The following RAP1GDS1 variants were observed in gnomAD, a reference collection of about 807,000 sequenced individuals.
The protein encoded by RAP1GDS1 is Rap1 GTPase-GDP dissociation stimulator 1.
In RAP1GDS1, 35 loss-of-function variants were observed where a neutral mutation model predicts 71.1. That is an observed-to-expected ratio of 0.49 (90% CI 0.38 to 0.65). RAP1GDS1 has a LOEUF of 0.65. Among genes scored for constraint, RAP1GDS1 ranks in the 30% least tolerant of loss-of-function variants. The probability of loss-of-function intolerance (pLI) is 0.00; values close to 1 mark genes in which losing one functional copy is unlikely to be tolerated. For missense variants in RAP1GDS1, 663 were observed against 706.1 expected, an observed-to-expected ratio of 0.94 and a Z score of 0.69; for synonymous variants, 229 against 243.1, an observed-to-expected ratio of 0.94 and a Z score of 0.54.
chr4:98,426,623 G>A (rs1447521868), intron 12 of RAP1GDS1, among the ~76,000 whole-genome samples: 1 of 152,000 alleles, frequency 6.6e-6, no homozygotes, highest in Non-Finnish European at 1.5e-5. Context: ...AGAGGAGATG[G>A]ATAAATTCCT....
intron 3 of RAP1GDS1, among the ~76,000 whole-genome samples, chr4:98,349,325 G>T (rs1022352120): frequency 3.3e-5 from 5 of 152,048 alleles, no homozygotes; most frequent in Non-Finnish European, 5.9e-5. Flanking sequence ...CATTGGTCTA[G>T]CTCTCTGTTT....
chr4:98,313,019 A>T (rs1203480823), intron 2 of RAP1GDS1, among the ~76,000 whole-genome samples: 1 of 137,820 alleles, frequency 7.3e-6, no homozygotes, highest in Non-Finnish European at 1.5e-5. Context: ...CAGTGAGCCG[A>T]GATCACACCA....
chr4:98,289,339 C>G (rs892021562), intron 1 of RAP1GDS1, among the ~76,000 whole-genome samples: 2 of 151,920 alleles, frequency 1.3e-5, no homozygotes, highest in East Asian at 3.9e-4. Context: ...TAGTTGACTT[C>G]GCCAAGTAAG....
At chr4:98,281,272 T>G (rs1006724530) in intron 1 of RAP1GDS1, among the ~76,000 whole-genome samples, 81 of 152,344 alleles carry the variant, frequency 5.3e-4, no homozygotes, top group African/African-American at 1.9e-3. Flanking sequence ...TTTTTTTGTG[T>G]CCTCTTTTAT....
intron 1 of RAP1GDS1, among the ~76,000 whole-genome samples, chr4:98,271,566 G>A (rs934675812): frequency 6.6e-6 from 1 of 152,096 alleles, no homozygotes; most frequent in Non-Finnish European, 1.5e-5. Flanking sequence ...ATAGTAAAAT[G>A]TAAAGTAAGT....
intron 2 of RAP1GDS1, among the ~76,000 whole-genome samples, chr4:98,312,740 T>C (rs146203848): frequency 6.6e-6 from 1 of 151,682 alleles, no homozygotes; most frequent in African/African-American, 2.4e-5. Context: ...GATATATATA[T>C]ATAGAGAGAG....
intron 2 of RAP1GDS1, among the ~76,000 whole-genome samples, chr4:98,342,846 C>T (rs1735684631): frequency 6.6e-6 from 1 of 152,094 alleles, no homozygotes; most frequent in African/African-American, 2.4e-5. Context: ...TTAGAACTAA[C>T]ATTGAGAGTA....
intron 2 of RAP1GDS1, among the ~76,000 whole-genome samples, chr4:98,308,256 A>G (rs1729645091): frequency 6.9e-6 from 1 of 144,370 alleles, no homozygotes. Context: ...ATACATGTAT[A>G]TATACACACA....
At chr4:98,350,980 C>A (rs1482622552) in intron 3 of RAP1GDS1, among the ~76,000 whole-genome samples, 1 of 152,144 alleles carries the variant, frequency 6.6e-6, no homozygotes, top group Non-Finnish European at 1.5e-5. Context: ...CATTACATTC[C>A]AGTCTGGGTG....
chr4:98,348,331 G>A (rs971969638), intron 3 of RAP1GDS1, among the ~76,000 whole-genome samples: 6 of 152,176 alleles, frequency 3.9e-5, no homozygotes, highest in Admixed American at 3.3e-4. Flanking sequence ...ATTCCATGGT[G>A]TATATGTGCC....
chr4:98,337,855 T>G (rs1341882227), intron 2 of RAP1GDS1, among the ~76,000 whole-genome samples: 1 of 152,114 alleles, frequency 6.6e-6, no homozygotes, highest in Non-Finnish European at 1.5e-5. Flanking sequence ...AGGATGTCCA[T>G]GGAGGAGTAT....
At chr4:98,429,963 C>T (rs1162105572) in intron 12 of RAP1GDS1, among the ~76,000 whole-genome samples, 4 of 151,910 alleles carry the variant, frequency 2.6e-5, no homozygotes, top group South Asian at 2.1e-4. Flanking sequence ...GAAGATACAT[C>T]CCAGCTTCTT....
intron 6 of RAP1GDS1, among the ~76,000 whole-genome samples, chr4:98,403,746 C>T (rs1745749714): frequency 6.6e-6 from 1 of 152,112 alleles, no homozygotes; most frequent in Non-Finnish European, 1.5e-5. Context: ...AGAATTTATA[C>T]AGGTCTTGTG....
intron 12 of RAP1GDS1, among the ~76,000 whole-genome samples, chr4:98,429,963 C>A (rs1162105572): frequency 1.3e-5 from 2 of 151,910 alleles, no homozygotes; most frequent in African/African-American, 4.8e-5. Flanking sequence ...GAAGATACAT[C>A]CCAGCTTCTT....
At chr4:98,335,278 A>G (rs990705353) in intron 2 of RAP1GDS1, among the ~76,000 whole-genome samples, 1 of 152,150 alleles carries the variant, frequency 6.6e-6, no homozygotes, top group African/African-American at 2.4e-5. Flanking sequence ...TCAGGCTACA[A>G]GGATCAATAA....
intron 6 of RAP1GDS1, among the ~76,000 whole-genome samples, chr4:98,398,142 TAAG>T (rs984526334): frequency 7.9e-5 from 12 of 151,610 alleles, no homozygotes; most frequent in Admixed American, 1.3e-4. Flanking sequence ...ACACTTTTCT[TAAG>T]GAGAACAGAA....
intron 14 of RAP1GDS1, chr4:98,441,710 T>A: frequency 1.3e-6 from 1 of 767,394 alleles, no homozygotes; most frequent in Non-Finnish European, 1.6e-6. Context: ...GAGGCTGCAG[T>A]AAGCTGTGAC....
intron 7 of RAP1GDS1, among the ~76,000 whole-genome samples, 189 bp downstream of exon 7, chr4:98,404,791 T>G (rs1745894420): frequency 6.6e-6 from 1 of 152,164 alleles, no homozygotes; most frequent in Non-Finnish European, 1.5e-5. Context: ...AAAGCAACTT[T>G]CCAGGTTCCT....
rs1002655315 is a variant in RAP1GDS1, at chr4:98,261,444, G to C, written c.-122G>C. 2 of 998,916 alleles carry C rather than the reference G, an allele frequency of 2.0e-6. No individual in the cohort carries two copies. The allele number at this position is 998,916 out of a possible 1,614,324, so 61.9% of individuals were successfully genotyped here. A position where few individuals can be genotyped will look rare whatever the true frequency, so the allele number is the denominator to read the frequency against. On this transcript the variant is annotated 5_prime_UTR_variant, in exon 1 of 15. Coordinates refer to ENST00000408927, the MANE Select transcript of RAP1GDS1 (RefSeq NM_001100427.2). ...CACCAGCTGCTCCTCCCCGGCGGCC[G>C]CCCCCCGCGGGTCCCTCCCTGGCTG...
Sources: allele counts gnomAD v4.1 joint callset (sites outside exome capture counted in the v4.1 genomes callset), GRCh38; gene constraint gnomAD v4.1.1; transcripts MANE v1.5; gene names NCBI Gene and HGNC (gene_info 2026-07-23, HGNC 2026-07-21).